The following TTC17 variants were observed in gnomAD, a reference collection of about 807,000 sequenced individuals.
The protein encoded by TTC17 is tetratricopeptide repeat protein 17.
Under a neutral mutation model 143.8 loss-of-function variants are expected in TTC17, and 58 were observed. The ratio of observed to expected loss-of-function variants is 0.40; its 90% CI spans 0.33 to 0.50. The LOEUF (loss-of-function observed/expected upper bound fraction) is 0.50. TTC17 is among the 20% of genes least tolerant of loss of function. TTC17 has a pLI of 0.49. For synonymous variants in TTC17, 501 were observed against 497.8 expected (o/e 1.01, Z -0.09); for missense variants, 1,273 against 1,392.5 (o/e 0.91, Z 1.37).
chr11:43,425,681 T>G (rs1477848510), intron 16 of TTC17, among the ~76,000 whole-genome samples: 1 of 152,200 alleles, frequency 6.6e-6, no homozygotes, highest in Non-Finnish European at 1.5e-5. Context: ...TGGGTTTTTC[T>G]CCCCCTTTTT....
chr11:43,423,154 T>C (rs564380309), intron 16 of TTC17, among the ~76,000 whole-genome samples: 2 of 152,278 alleles, frequency 1.3e-5, no homozygotes, highest in African/African-American at 4.8e-5. Context: ...ATTAGGTGAC[T>C]TGTCAGATGA....
intron 21 of TTC17, among the ~76,000 whole-genome samples, chr11:43,458,093 C>T (rs1408389295): frequency 6.6e-6 from 1 of 152,160 alleles, no homozygotes; most frequent in African/African-American, 2.4e-5. Context: ...TTTACTATTA[C>T]AGAACTTAAC....
chr11:43,396,678 G>A (rs370861657), intron 5 of TTC17, 31 bp from the exon 6 acceptor site: 95 of 1,348,644 alleles, frequency 7.0e-5, no homozygotes, highest in Non-Finnish European at 4.6e-5. Flanking sequence ...GTCTTGAGTC[G>A]TGTTTGTAAT....
Position 43,443,322 on chromosome 11 carries a change from C to T in TTC17, c.2252-3C>T, listed in dbSNP as rs754301503. On this transcript the variant is annotated splice_region_variant and splice_polypyrimidine_tract_variant and intron_variant, in intron 16 of 23. Coordinates refer to ENST00000039989, the MANE Select transcript of TTC17 (RefSeq NM_018259.6). ...TACTAACGTGCTGGCCCTTGAATTT[C>T]AGGTACGGTGGTTGAGGAGAGCAAT... The T allele has an allele frequency of 1.9e-6, 3 of 1,613,596 alleles. No individual in the cohort carries two copies. Among genetic ancestry groups the T allele is most frequent in the Non-Finnish European group, 2.5e-6 (3 of 1,179,714 alleles).
chr11:43,397,957 T>C lies in TTC17; in HGVS notation c.919-17T>C, dbSNP rs573527196. On this transcript the variant is annotated splice_polypyrimidine_tract_variant and intron_variant, in intron 7 of 23. Transcript: ENST00000039989. ...GTGTGTGTGTGTGTGTGTGTATGTT[T>C]GTTTTTGTCTCTTCAGATGCTTGGG... 4.3e-6 allele frequency: 7 copies of C among 1,609,530 alleles called. No individual in the cohort carries two copies. In the South Asian group the frequency reaches 5.5e-5, roughly 13 times the overall value.
intron 1 of TTC17, among the ~76,000 whole-genome samples, chr11:43,377,154 G>T (rs1018463351): frequency 1.4e-4 from 22 of 152,056 alleles, no homozygotes; most frequent in Admixed American, 1.4e-3. Flanking sequence ...TTAGCTGGGC[G>T]TAGTGGCGGA....
chr11:43,431,083 C>T (rs1475578415), intron 16 of TTC17, among the ~76,000 whole-genome samples: 1 of 152,138 alleles, frequency 6.6e-6, no homozygotes, highest in South Asian at 2.1e-4. Flanking sequence ...TCATCCATGT[C>T]CCTGCAAAGG....
intron 5 of TTC17, among the ~76,000 whole-genome samples, chr11:43,394,655 T>G (rs1310029497): frequency 1.3e-5 from 2 of 152,196 alleles, no homozygotes; most frequent in Non-Finnish European, 2.9e-5. Flanking sequence ...GAGTTCTATT[T>G]GGGCCATGTT....
At chr11:43,404,269 G>A in intron 11 of TTC17, 125 bp downstream of exon 11, 1 of 854,050 alleles carries the variant, frequency 1.2e-6, no homozygotes, top group Non-Finnish European at 1.7e-6. Context: ...CAAACGTGTA[G>A]TACATTTCTA....
At chr11:43,424,255 G>A (rs377555072) in intron 16 of TTC17, among the ~76,000 whole-genome samples, 2 of 151,576 alleles carry the variant, frequency 1.3e-5, no homozygotes, top group African/African-American at 2.4e-5. Flanking sequence ...ACCATGCCTG[G>A]CTAATTTTTT....
chr11:43,444,940 C>T (rs1002459740), intron 18 of TTC17, among the ~76,000 whole-genome samples: 1 of 152,026 alleles, frequency 6.6e-6, no homozygotes, highest in Non-Finnish European at 1.5e-5. Context: ...TAAAAATATA[C>T]CAGTTATTCT....
rs375200895 is a variant in TTC17, at chr11:43,391,753, A to G, written c.532-68A>G. The stretch of plus-strand genomic sequence containing the variant: ...TTAGTATTTCAAAATAAACACTACA[A>G]GATACTGAATTATTTGTCATCTTTT... On this transcript the variant is annotated intron_variant, in intron 4 of 23. Coordinates refer to ENST00000039989, the MANE Select transcript of TTC17 (RefSeq NM_018259.6). The G allele has an allele frequency of 1.5e-5, 24 of 1,563,544 alleles. No individual in the cohort carries two copies. In the South Asian group the frequency reaches 2.7e-4, roughly 18 times the overall value.
At chr11:43,476,476 G>A (rs1055356096) in intron 21 of TTC17, among the ~76,000 whole-genome samples, 1 of 152,162 alleles carries the variant, frequency 6.6e-6, no homozygotes, top group Non-Finnish European at 1.5e-5. Flanking sequence ...CTGAAACTGG[G>A]AGCAAAAAGA....
chr11:43,464,992 A>G (rs1947942232), intron 21 of TTC17, among the ~76,000 whole-genome samples: 1 of 152,226 alleles, frequency 6.6e-6, no homozygotes, highest in Non-Finnish European at 1.5e-5. Flanking sequence ...GGAAGCTAGT[A>G]TTAGAGTTCA....
In TTC17 at chr11:43,493,942, C is replaced by G. The variant is rs757554868; in HGVS notation, c.*38C>G. 29 of 1,518,538 alleles carry G rather than the reference C, an allele frequency of 1.9e-5. No individual in the cohort carries two copies. Among genetic ancestry groups the G allele is most frequent in the Non-Finnish European group, 2.6e-5 (29 of 1,132,918 alleles). 94.1% of individuals were successfully genotyped at this position (1,518,538 alleles called of 1,614,324 possible). A position where few individuals can be genotyped will look rare whatever the true frequency, so the allele number is the denominator to read the frequency against. ...TTCTCTCTTTCTCTTTACTCATGCT[C>G]TAAAAAAAAAGAATAAGAAAAGAAA... is the stretch of plus-strand genomic sequence containing the variant. On this transcript the variant is annotated 3_prime_UTR_variant, in exon 24 of 24. Transcript: ENST00000039989.
intron 1 of TTC17, among the ~76,000 whole-genome samples, chr11:43,362,035 C>T (rs1379782139): frequency 1.4e-5 from 2 of 145,110 alleles, no homozygotes; most frequent in East Asian, 4.0e-4. Flanking sequence ...GGCTGGAGTG[C>T]AATGGCGCTA....
chr11:43,446,936 T>A (rs529393339), intron 18 of TTC17, among the ~76,000 whole-genome samples: 18 of 152,330 alleles, frequency 1.2e-4, no homozygotes, highest in Non-Finnish European at 1.9e-4. Context: ...TCAAACAGAC[T>A]CCTAGCTCTG....
intron 18 of TTC17, chr11:43,446,840 G>T (rs1947552820): frequency 4.5e-6 from 1 of 220,684 alleles, no homozygotes. Context: ...CCAAAAGGTG[G>T]TACTTACGAA....
chr11:43,480,438 G>GAAT (rs1395291520), intron 21 of TTC17, among the ~76,000 whole-genome samples: 2 of 152,026 alleles, frequency 1.3e-5, no homozygotes, highest in African/African-American at 2.4e-5. Flanking sequence ...AATGAAGAAA[G>GAAT]AATAAAGATA....
Sources: allele counts gnomAD v4.1 joint callset (sites outside exome capture counted in the v4.1 genomes callset), GRCh38; gene constraint gnomAD v4.1.1; transcripts MANE v1.5; gene names NCBI Gene and HGNC (gene_info 2026-07-23, HGNC 2026-07-21).